The following RETREG1 variants were observed in gnomAD, a reference collection of about 807,000 sequenced individuals.
The protein encoded by RETREG1 is reticulophagy regulator 1, also known as family with sequence similarity 134 member B.
Under a neutral mutation model 54.8 loss-of-function variants are expected in RETREG1, and 44 were observed. The ratio of observed to expected loss-of-function variants is 0.80; its 90% confidence interval spans 0.63 to 1.03. The LOEUF (loss-of-function observed/expected upper bound fraction) is 1.03. Ranked by LOEUF, RETREG1 falls within the 50% of genes least tolerant of loss-of-function variation. The pLI, the probability that RETREG1 is intolerant of heterozygous loss-of-function variation, is 0.00. For synonymous variants in RETREG1, 217 were observed against 238.5 expected (o/e 0.91, Z 0.83); for missense variants, 554 against 605.1 (o/e 0.92, Z 0.89).
intron 1 of RETREG1, among the ~76,000 whole-genome samples, chr5:16,577,378 G>A (rs1366739365): frequency 6.6e-6 from 1 of 151,400 alleles, no homozygotes; most frequent in Admixed American, 6.6e-5. Flanking sequence ...ATGTCTTGGT[G>A]GCTACACTTG....
intron 3 of RETREG1, among the ~76,000 whole-genome samples, chr5:16,555,874 A>G (rs542886964): frequency 6.6e-6 from 1 of 152,356 alleles, no homozygotes; most frequent in East Asian, 1.9e-4. Context: ...AGGATGAGTT[A>G]AGAGAAATGT....
At chr5:16,569,032 C>T (rs965099104) in intron 2 of RETREG1, among the ~76,000 whole-genome samples, 6 of 152,142 alleles carry the variant, frequency 3.9e-5, no homozygotes, top group South Asian at 2.1e-4. Flanking sequence ...TTCTGATTGA[C>T]GCCATGGAGT....
At chr5:16,546,765 A>C (rs1741399351) in intron 3 of RETREG1, among the ~76,000 whole-genome samples, 1 of 152,174 alleles carries the variant, frequency 6.6e-6, no homozygotes, top group African/African-American at 2.4e-5. Context: ...TCAATGAGCA[A>C]AACAGAAATC....
chr5:16,554,501 C>A (rs182198858), intron 3 of RETREG1, among the ~76,000 whole-genome samples: 1 of 152,266 alleles, frequency 6.6e-6, no homozygotes, highest in African/African-American at 2.4e-5. Flanking sequence ...CATTGAATGT[C>A]TTTTGTTTCC....
chr5:16,569,105 G>A (rs774618813), intron 2 of RETREG1, among the ~76,000 whole-genome samples: 9 of 152,110 alleles, frequency 5.9e-5, no homozygotes, highest in South Asian at 2.1e-4. Context: ...CTGATTCATC[G>A]CAGCAGCAGC....
At chr5:16,562,990 G>C (rs968700275) in intron 3 of RETREG1, among the ~76,000 whole-genome samples, 1 of 152,112 alleles carries the variant, frequency 6.6e-6, no homozygotes, top group Admixed American at 6.6e-5. Context: ...GGGGGGATGG[G>C]GGGGACTGTT....
chr5:16,555,928 G>T (rs1014685947), intron 3 of RETREG1, among the ~76,000 whole-genome samples: 1 of 152,024 alleles, frequency 6.6e-6, no homozygotes, highest in Non-Finnish European at 1.5e-5. Context: ...ATTTATTGAC[G>T]CAAGCATGCT....
rs567398760 is a variant in RETREG1, at chr5:16,480,069, T to G, written c.670+940A>C. Among the ~76,000 whole-genome samples, 367 of 152,172 alleles carry G rather than the reference T, an allele frequency of 2.4e-3. 2 individuals are homozygous for G. The highest frequency in any genetic ancestry group is 4.3e-3 in the Non-Finnish European group (290 of 67,978). ...TAAGAAGCCATCACCATAATCAAGA[T>G]AGTGAACATGTCTACCAGTAGACAT... is the stretch of plus-strand genomic sequence containing the variant. On this transcript the variant is annotated intron_variant, in intron 5 of 8. Coordinates refer to ENST00000306320, the MANE Select transcript of RETREG1 (RefSeq NM_001034850.3).
At chr5:16,520,319 T>TG (rs1740491645) in intron 3 of RETREG1, among the ~76,000 whole-genome samples, 8 of 79,818 alleles carry the variant, frequency 1.0e-4, no homozygotes, top group Non-Finnish European at 2.1e-4. Context: ...GTTTTGTGGT[T>TG]TTTTTTTTGT....
At chr5:16,614,114 G>A (rs1399745128) in intron 1 of RETREG1, among the ~76,000 whole-genome samples, 1 of 152,150 alleles carries the variant, frequency 6.6e-6, no homozygotes, top group East Asian at 1.9e-4. Flanking sequence ...CTGAATGGCT[G>A]GCCAATGTTT....
intron 3 of RETREG1, among the ~76,000 whole-genome samples, chr5:16,547,557 T>A (rs1244433644): frequency 6.6e-6 from 1 of 152,210 alleles, no homozygotes; most frequent in East Asian, 1.9e-4. Context: ...AAATAACTTA[T>A]GTTTCAGTAG....
At chr5:16,601,879 T>A (rs1294090026) in intron 1 of RETREG1, among the ~76,000 whole-genome samples, 1 of 152,128 alleles carries the variant, frequency 6.6e-6, no homozygotes, top group Non-Finnish European at 1.5e-5. Context: ...AACCAGGTCA[T>A]CTATAAGAGA....
At chr5:16,611,407 A>T (rs1351230606) in intron 1 of RETREG1, among the ~76,000 whole-genome samples, 1 of 152,192 alleles carries the variant, frequency 6.6e-6, no homozygotes, top group African/African-American at 2.4e-5. Flanking sequence ...TAAAAAAAAA[A>T]ATCACATCAG....
At chr5:16,499,807 G>T (rs1363986452) in intron 3 of RETREG1, among the ~76,000 whole-genome samples, 1 of 152,220 alleles carries the variant, frequency 6.6e-6, no homozygotes, top group African/African-American at 2.4e-5. Flanking sequence ...TACTGTGAGA[G>T]AACATTCTGG....
At chr5:16,535,144 T>TC (rs1240628918) in intron 3 of RETREG1, among the ~76,000 whole-genome samples, 1 of 152,258 alleles carries the variant, frequency 6.6e-6, no homozygotes, top group Non-Finnish European at 1.5e-5. Flanking sequence ...CACTTTTTTT[T>TC]CTTCTCTCTC....
chr5:16,482,397 C>A (rs1251486850), intron 4 of RETREG1, among the ~76,000 whole-genome samples: 1 of 151,242 alleles, frequency 6.6e-6, no homozygotes, highest in Admixed American at 6.6e-5. Context: ...TTAATCACTT[C>A]AGTAAAATCA....
intron 3 of RETREG1, among the ~76,000 whole-genome samples, chr5:16,537,366 C>T (rs1388396468): frequency 6.6e-6 from 1 of 152,152 alleles, no homozygotes; most frequent in Non-Finnish European, 1.5e-5. Flanking sequence ...CTGGAAATTC[C>T]GCGGAGGCTC....
intron 3 of RETREG1, among the ~76,000 whole-genome samples, chr5:16,541,489 C>T (rs1032180015): frequency 2.0e-5 from 3 of 152,124 alleles, no homozygotes; most frequent in African/African-American, 7.2e-5. Flanking sequence ...GAGTTCGAGA[C>T]CAGCCTGGCC....
intron 3 of RETREG1, among the ~76,000 whole-genome samples, chr5:16,531,876 C>G (rs144013876): frequency 6.6e-6 from 1 of 152,074 alleles, no homozygotes; most frequent in Non-Finnish European, 1.5e-5. Flanking sequence ...AATTTTGCTC[C>G]GTGTATCCTG....
Sources: allele counts gnomAD v4.1 joint callset (sites outside exome capture counted in the v4.1 genomes callset), GRCh38; gene constraint gnomAD v4.1.1; transcripts MANE v1.5; gene names NCBI Gene and HGNC (gene_info 2026-07-23, HGNC 2026-07-21).